Variants in PKHD1 observed in about 807,000 individuals in gnomAD.
The protein encoded by PKHD1 is PKHD1 ciliary IPT domain containing fibrocystin/polyductin.
A neutral mutation model predicts 412.0 loss-of-function variants in PKHD1; 291 were observed. The observed-to-expected ratio is 0.71, with a 90% CI of 0.64 to 0.78. PKHD1 has a LOEUF of 0.78. Among genes scored for constraint, PKHD1 ranks in the 30% least tolerant of loss-of-function variants. PKHD1 has a pLI of 0.00. For missense variants in PKHD1, 4,825 were observed against 4,950.7 expected (o/e 0.97, Z 0.76); for synonymous variants, 1,777 against 1,821.5 (o/e 0.98, Z 0.62).
chr6:51,655,360 T>G (rs935898796), intron 61 of PKHD1, among the ~76,000 whole-genome samples: 1 of 152,092 alleles, frequency 6.6e-6, no homozygotes, highest in African/African-American at 2.4e-5. Flanking sequence ...CCAAAAGACT[T>G]GTATAATTGA....
At chr6:52,033,640 T>C (rs147464530) in intron 28 of PKHD1, among the ~76,000 whole-genome samples, 8 of 151,174 alleles carry the variant, frequency 5.3e-5, no homozygotes, top group Non-Finnish European at 8.8e-5. Flanking sequence ...AATTTAAATA[T>C]ATATATATAT....
intron 53 of PKHD1, among the ~76,000 whole-genome samples, chr6:51,785,243 G>A (rs989515457): frequency 4.6e-5 from 7 of 152,036 alleles, no homozygotes; most frequent in African/African-American, 1.2e-4. Flanking sequence ...CCTTAGTATC[G>A]ATCTATTCAT....
Position 51,918,647 on chromosome 6 carries a change from A to G in PKHD1, c.6122-6071T>C, listed in dbSNP as rs541737928. Among the ~76,000 whole-genome samples, 124 of 152,328 alleles carry G rather than the reference A, an allele frequency of 8.1e-4. 1 individual carries two copies. The highest frequency in any genetic ancestry group is 2.9e-3 in the African/African-American group (119 of 41,564). ...CTTTGCTATTGTGAACAGTGATTCA[A>G]TAAACATACGTGTGCATGTGTCTTT... On this transcript the variant is annotated intron_variant, in intron 37 of 66. Coordinates refer to ENST00000371117, the MANE Select transcript of PKHD1 (RefSeq NM_138694.4).
chr6:51,959,731 A>AT (rs1791707480), intron 36 of PKHD1, 139 bp downstream of exon 36: 7 of 770,856 alleles, frequency 9.1e-6, no homozygotes, highest in Middle Eastern at 5.4e-4. Flanking sequence ...CTTCCTTTAC[A>AT]TAGTAAAATT....
At position 52,046,057 on chromosome 6, in the gene PKHD1, C is replaced by A. The variant is rs778864835; in HGVS notation, c.2539G>T (p.Val847Leu). The A allele has an allele frequency of 6.2e-7, 1 of 1,613,692 alleles. No homozygotes were observed. The highest frequency in any genetic ancestry group is 2.2e-5 in the East Asian group (1 of 44,868). ...TGAGTGGACCAGGACAAGGTCCACA[C>A]GTGTTCGTAGCAAGTGTATAGATCC... ...KEDLYTCYEH[V>L]WTLSWSTQIG... Residue 847 changes from valine (V) to leucine (L), a missense_variant, in exon 24 of 67, where the codon GTG becomes TTG. By Grantham distance (32) the Val-to-Leu change is conservative. Transcript: ENST00000371117.
At chr6:51,981,431 A>G (rs1406564554) in intron 35 of PKHD1, among the ~76,000 whole-genome samples, 2 of 150,296 alleles carry the variant, frequency 1.3e-5, no homozygotes, top group Non-Finnish European at 3.0e-5. Flanking sequence ...ATCTCGGCTC[A>G]CTGCAGCCTC....
At position 52,045,006 on chromosome 6, in the gene PKHD1, A is replaced by G; in HGVS notation, c.2675T>C (p.Ile892Thr). 1 of 1,613,680 alleles carries G rather than the reference A, an allele frequency of 6.2e-7. No individual in the cohort carries two copies. Among genetic ancestry groups the G allele is most frequent in the Non-Finnish European group, 8.5e-7 (1 of 1,179,622 alleles). Residue 892 changes from isoleucine to threonine, a missense_variant, in exon 25 of 67, where the codon ATA becomes ACA. Transcript: ENST00000371117. ...VYDGGVFLGP[I>T]FGDMLATANQ... Reference sequence around the variant, plus strand: ...GGCAGTAGCCAACATGTCTCCAAATATGGGTCCAAGAAAAACTCCACCATC... The same window carrying G: ...GGCAGTAGCCAACATGTCTCCAAATGTGGGTCCAAGAAAAACTCCACCATC...
intron 66 of PKHD1, among the ~76,000 whole-genome samples, chr6:51,626,605 C>G (rs1767271216): frequency 6.6e-6 from 1 of 152,170 alleles, no homozygotes; most frequent in Non-Finnish European, 1.5e-5. Context: ...TGTACTCAAT[C>G]TAATTTGCAT....
intron 35 of PKHD1, among the ~76,000 whole-genome samples, chr6:51,979,600 C>A (rs1206785214): frequency 6.6e-6 from 1 of 152,022 alleles, no homozygotes; most frequent in Non-Finnish European, 1.5e-5. Flanking sequence ...TACAGTCACC[C>A]ACCTGACCTG....
At chr6:51,986,644 C>G (rs913820232) in intron 35 of PKHD1, among the ~76,000 whole-genome samples, 1 of 152,156 alleles carries the variant, frequency 6.6e-6, no homozygotes, top group African/African-American at 2.4e-5. Context: ...AGTAAAAGGA[C>G]AGAAAAGCCT....
chr6:51,895,730 G>A (rs925436220), intron 43 of PKHD1, among the ~76,000 whole-genome samples: 4 of 152,134 alleles, frequency 2.6e-5, no homozygotes, highest in South Asian at 2.1e-4. Flanking sequence ...GAAGACAGGC[G>A]ATTTCTGCAT....
At chr6:51,673,163 G>A (rs539100811) in intron 60 of PKHD1, among the ~76,000 whole-genome samples, 5 of 152,274 alleles carry the variant, frequency 3.3e-5, no homozygotes, top group South Asian at 2.1e-4. Context: ...ATAATAACCC[G>A]TGAAACAACA....
At chr6:51,643,743 T>TA (rs534186948) in intron 63 of PKHD1, among the ~76,000 whole-genome samples, 1 of 152,168 alleles carries the variant, frequency 6.6e-6, no homozygotes, top group Non-Finnish European at 1.5e-5. Context: ...GTTTGTTACG[T>TA]AGGCAAACAT....
Position 52,027,858 on chromosome 6 carries a change from C to A in PKHD1, c.3599G>T (p.Ser1200Ile). The stretch of plus-strand genomic sequence containing the variant: ...CAGGGACCCACAGCAAGGCTCGATG[C>A]TGAAAACTTCTGTGAGGTACTGGAT... The part of the protein sequence containing the change: ...LHIQYLTEVF[S>I]IEPCCGSLLG... Residue 1200 changes from serine (S) to isoleucine (I), a missense_variant, in exon 31 of 67, where the codon AGC becomes ATC. By Grantham distance (142) the Ser-to-Ile change is moderately radical. Coordinates refer to ENST00000371117, the MANE Select transcript of PKHD1 (RefSeq NM_138694.4). 6.2e-7 allele frequency: 1 copy of A among 1,613,642 alleles called. No homozygotes were observed. The highest frequency in any genetic ancestry group is 8.5e-7 in the Non-Finnish European group (1 of 1,179,540).
Position 51,659,225 on chromosome 6 carries a change from A to G in PKHD1, c.10901T>C (p.Val3634Ala). The G allele has an allele frequency of 1.9e-6, 3 of 1,613,536 alleles. No individual in the cohort carries two copies. The highest frequency in any genetic ancestry group is 2.5e-6 in the Non-Finnish European group (3 of 1,179,830). The change falls in exon 61 of 67, where the codon GTT (valine) becomes GCT (alanine). Residue 3634 changes from valine (V) to alanine (A), a missense_variant. Transcript: ENST00000371117. ...CATCATGAGAGGCCTACGTTGACCA[A>G]CTCTTCTATAATGACTAGTGCAAGT... ...TVTCTSHYRR[V>A]GQRRPLMMEM...
At chr6:52,033,304 C>T in intron 28 of PKHD1, 139 bp from the exon 29 acceptor site, 2 of 721,032 alleles carry the variant, frequency 2.8e-6, no homozygotes, top group Admixed American at 4.1e-5. Flanking sequence ...TTCCTACTTC[C>T]AAGTCTCTCT....
intron 34 of PKHD1, among the ~76,000 whole-genome samples, chr6:52,014,694 CTGGATAGATGGATGGA>C (rs748117950): frequency 0.12 from 14,932 of 121,524 alleles, 1,394 homozygotes; most frequent in South Asian, 0.18. Flanking sequence ...GATGAATATA[CTGGATAGATGGATGGA>C]TGGATGGATG....
intron 33 of PKHD1, among the ~76,000 whole-genome samples, chr6:52,020,161 G>C (rs1352417986): frequency 6.6e-6 from 1 of 151,928 alleles, no homozygotes; most frequent in Admixed American, 6.6e-5. Flanking sequence ...ATAAACAAAA[G>C]AACAAATGAA....
chr6:51,889,417 G>A (rs567230405), intron 43 of PKHD1, among the ~76,000 whole-genome samples: 18 of 152,316 alleles, frequency 1.2e-4, no homozygotes, highest in Admixed American at 2.0e-4. Flanking sequence ...TTAAACTTTC[G>A]TGTGCAACCT....
Sources: gnomAD v4.1 joint callset for allele counts (sites outside exome capture counted in the v4.1 genomes callset) on GRCh38, gnomAD v4.1.1 for gene constraint, MANE v1.5 for transcripts, NCBI Gene and HGNC (gene_info 2026-07-23, HGNC 2026-07-21) for gene names.